Variants in DOCK3 observed in about 807,000 individuals in gnomAD.
The protein encoded by DOCK3 is dedicator of cytokinesis protein 3.
Under a neutral mutation model 265.6 loss-of-function variants are expected in DOCK3, and 60 were observed. The observed-to-expected ratio is 0.23, with a 90% CI of 0.18 to 0.28. DOCK3 has a LOEUF of 0.28. DOCK3 is among the 10% of genes least tolerant of loss of function. The pLI, the probability that DOCK3 is intolerant of heterozygous loss-of-function variation, is 1.00. For synonymous variants in DOCK3, 881 were observed against 938.0 expected (o/e 0.94, Z 1.11); for missense variants, 1,981 against 2,594.3 (o/e 0.76, Z 5.14).
At chr3:50,734,451 A>G (rs1255035021) in intron 1 of DOCK3, among the ~76,000 whole-genome samples, 2 of 152,182 alleles carry the variant, frequency 1.3e-5, no homozygotes, top group Non-Finnish European at 2.9e-5. Context: ...GTAGTGAGCC[A>G]TGATTGTGCC....
At chr3:50,884,817 A>C (rs543071617) in intron 3 of DOCK3, among the ~76,000 whole-genome samples, 1 of 151,450 alleles carries the variant, frequency 6.6e-6, no homozygotes, top group East Asian at 1.9e-4. Context: ...CCCGCCCCCC[A>C]CAGTTTTCCT....
chr3:50,724,480 G>A (rs539793557), intron 1 of DOCK3, among the ~76,000 whole-genome samples: 49 of 152,234 alleles, frequency 3.2e-4, no homozygotes, highest in African/African-American at 1.1e-3. Context: ...AGAAAATGTA[G>A]CACATATACA....
chr3:51,199,588 G>T, intron 12 of DOCK3, among the ~76,000 whole-genome samples: 1 of 152,252 alleles, frequency 6.6e-6, no homozygotes, highest in Non-Finnish European at 1.5e-5. Context: ...GCCTGCGTCT[G>T]TAGGCTCCAC....
intron 2 of DOCK3, among the ~76,000 whole-genome samples, chr3:50,834,837 G>A (rs1659239712): frequency 6.6e-6 from 1 of 151,988 alleles, no homozygotes; most frequent in African/African-American, 2.4e-5. Flanking sequence ...ATTCAAAAGG[G>A]GCAAACAAAA....
chr3:50,695,729 G>T (rs533492764), intron 1 of DOCK3, among the ~76,000 whole-genome samples: 60 of 152,310 alleles, frequency 3.9e-4, no homozygotes, highest in Non-Finnish European at 6.8e-4. Context: ...TGGGTATCTC[G>T]CTTGGTCACT....
chr3:51,248,533 C>G (rs1005798529), intron 22 of DOCK3, among the ~76,000 whole-genome samples: 22 of 152,120 alleles, frequency 1.4e-4, no homozygotes, highest in Non-Finnish European at 2.5e-4. Flanking sequence ...GGCGTGATCT[C>G]GGCTCGCTAC....
intron 2 of DOCK3, among the ~76,000 whole-genome samples, chr3:50,841,331 T>C (rs2045811957): frequency 6.6e-6 from 1 of 152,242 alleles, no homozygotes; most frequent in Non-Finnish European, 1.5e-5. Flanking sequence ...CTGTACTCCC[T>C]ATCTGCCATG....
At chr3:50,940,289 C>A (rs2076253197) in intron 5 of DOCK3, among the ~76,000 whole-genome samples, 9 of 117,328 alleles carry the variant, frequency 7.7e-5, no homozygotes, top group African/African-American at 2.6e-4. Context: ...CCATTTCTAC[C>A]AAAAAAAAAA....
intron 32 of DOCK3, among the ~76,000 whole-genome samples, chr3:51,315,937 A>G (rs9844037): frequency 0.059 from 9,002 of 152,206 alleles, 881 homozygotes; most frequent in African/African-American, 0.2. Flanking sequence ...CCAGTGGTCT[A>G]TTTAGAATAG....
chr3:51,150,182 G>C (rs965589587), intron 10 of DOCK3, among the ~76,000 whole-genome samples: 1 of 152,056 alleles, frequency 6.6e-6, no homozygotes, highest in African/African-American at 2.4e-5. Flanking sequence ...GATCGGTGAC[G>C]ATATCCCCTT....
chr3:50,968,553 A>G (rs974874568), intron 5 of DOCK3, among the ~76,000 whole-genome samples: 1 of 139,362 alleles, frequency 7.2e-6, no homozygotes, highest in Non-Finnish European at 1.6e-5. Flanking sequence ...TATGATTTCA[A>G]TTTTTTTTTT....
rs1260653812 is a variant in DOCK3 at position 50,787,034 on chromosome 3, A to T, written c.121+8276A>T. On this transcript the variant is annotated intron_variant, in intron 2 of 52. Transcript: ENST00000266037. ...TTTTTTCTCACAAATTTCACAGGAA[A>T]ATTTCTTTTCTTCATATCCATGGAC... 6 of 740,042 alleles carry T rather than the reference A, an allele frequency of 8.1e-6. No homozygotes were observed. The African/African-American group carries it at 1.0e-4, about 13-fold the overall frequency. The allele number at this position is 740,042 out of a possible 1,614,324, so 45.8% of individuals were successfully genotyped here.
intron 3 of DOCK3, among the ~76,000 whole-genome samples, chr3:50,885,248 T>C (rs1480425963): frequency 6.6e-6 from 1 of 152,186 alleles, no homozygotes; most frequent in Non-Finnish European, 1.5e-5. Context: ...TGCTGAATCA[T>C]ATTTCATTGT....
At chr3:50,828,373 C>G (rs1358874870) in intron 2 of DOCK3, among the ~76,000 whole-genome samples, 3 of 152,124 alleles carry the variant, frequency 2.0e-5, no homozygotes, top group Non-Finnish European at 4.4e-5. Context: ...TGTCTACATT[C>G]ATTCGTTTGC....
chr3:51,166,883 GT>G (rs1179175348), intron 12 of DOCK3, among the ~76,000 whole-genome samples: 1 of 152,084 alleles, frequency 6.6e-6, no homozygotes, highest in African/African-American at 2.4e-5. Context: ...CAGATATATG[GT>G]TTACAAATAT....
intron 12 of DOCK3, among the ~76,000 whole-genome samples, chr3:51,200,453 G>A (rs201297885): frequency 7.7e-4 from 10 of 13,034 alleles, no homozygotes; most frequent in East Asian, 2.8e-3. Flanking sequence ...GAAATGAAGC[G>A]AGAAGGGAAG....
At chr3:50,902,271 C>T (rs149708267) in intron 4 of DOCK3, among the ~76,000 whole-genome samples, 4 of 152,236 alleles carry the variant, frequency 2.6e-5, no homozygotes, top group Non-Finnish European at 5.9e-5. Flanking sequence ...TGCCTATGTC[C>T]TGAATAATAT....
At chr3:51,253,127 GT>G (rs1277862430) in intron 22 of DOCK3, among the ~76,000 whole-genome samples, 1 of 152,128 alleles carries the variant, frequency 6.6e-6, no homozygotes, top group African/African-American at 2.4e-5. Flanking sequence ...TAATCATGTG[GT>G]TTTTTGTCTT....
intron 32 of DOCK3, among the ~76,000 whole-genome samples, chr3:51,322,848 A>C (rs1241155677): frequency 6.6e-6 from 1 of 152,186 alleles, no homozygotes; most frequent in African/African-American, 2.4e-5. Context: ...TTTAAAAGAC[A>C]CAGACTGGCA....
Sources: gnomAD v4.1 joint callset for allele counts (sites outside exome capture counted in the v4.1 genomes callset) on GRCh38, gnomAD v4.1.1 for gene constraint, MANE v1.5 for transcripts, NCBI Gene and HGNC (gene_info 2026-07-23, HGNC 2026-07-21) for gene names.